The following ZMIZ1 variants were observed in gnomAD, a reference collection of about 807,000 sequenced individuals.
ZMIZ1 encodes zinc finger MIZ domain-containing protein 1.
Under a neutral mutation model 113.9 loss-of-function variants are expected in ZMIZ1, and 17 were observed. The ratio of observed to expected loss-of-function variants is 0.15; its 90% CI spans 0.10 to 0.22. ZMIZ1 has a LOEUF of 0.22. Ranked by LOEUF, ZMIZ1 falls within the 10% of genes least tolerant of loss-of-function variation. The pLI is 1.00. For missense variants in ZMIZ1, 1,059 were observed against 1,477.8 expected (o/e 0.72, Z 4.65); for synonymous variants, 607 against 603.1 (o/e 1.01, Z -0.09).
At position 79,083,568 on chromosome 10, in the gene ZMIZ1, A is replaced by G. The variant is rs1189710015; in HGVS notation, c.-337+14298A>G. 6.9e-5 allele frequency among the ~76,000 whole-genome samples: 5 copies of G among 72,708 alleles called. No homozygotes were observed. In the African/African-American group the frequency reaches 7.4e-4, roughly 11 times the overall value. 47.7% of individuals were successfully genotyped at this position (72,708 alleles called of 152,430 possible). A position where few individuals can be genotyped will look rare whatever the true frequency, so the allele number is the denominator to read the frequency against. On this transcript the variant is annotated intron_variant, in intron 1 of 24. Coordinates refer to ENST00000334512, the MANE Select transcript of ZMIZ1 (RefSeq NM_020338.4). ...TTTTAAGTAAAGGACTGAGGCTATC[A>G]GATGTGTCCCTCTAAGATCTCTGGC... is the stretch of plus-strand genomic sequence containing the variant.
intron 11 of ZMIZ1, among the ~76,000 whole-genome samples, 171 bp downstream of exon 11, chr10:79,292,527 G>A (rs1039253133): frequency 6.6e-6 from 1 of 152,160 alleles, no homozygotes; most frequent in Non-Finnish European, 1.5e-5. Context: ...TGTGTGTTTA[G>A]AATGGCGCAT....
intron 8 of ZMIZ1, among the ~76,000 whole-genome samples, chr10:79,283,680 T>G (rs1338781312): frequency 6.6e-6 from 1 of 152,196 alleles, no homozygotes; most frequent in Non-Finnish European, 1.5e-5. Context: ...GAAAGACCCA[T>G]AAATCCCTGC....
At chr10:79,282,233 T>C (rs1271020331) in intron 8 of ZMIZ1, among the ~76,000 whole-genome samples, 1 of 152,192 alleles carries the variant, frequency 6.6e-6, no homozygotes, top group Non-Finnish European at 1.5e-5. Context: ...ATTAGCAAAC[T>C]GTTTTAGTCC....
At chr10:79,100,291 G>A (rs1451068523) in intron 1 of ZMIZ1, among the ~76,000 whole-genome samples, 1 of 152,090 alleles carries the variant, frequency 6.6e-6, no homozygotes, top group Non-Finnish European at 1.5e-5. Flanking sequence ...CAAAGGATGA[G>A]TTGGGGAATG....
intron 3 of ZMIZ1, among the ~76,000 whole-genome samples, chr10:79,161,215 G>A (rs1304492054): frequency 1.3e-5 from 2 of 152,164 alleles, no homozygotes; most frequent in Non-Finnish European, 2.9e-5. Context: ...CTGGACCCTG[G>A]AGCAGCGTCC....
At position 79,264,161 on chromosome 10, in the gene ZMIZ1, C is replaced by T. The variant is rs1173370819; in HGVS notation, c.281-13020C>T. ...GGGCATGCGGGTGTGGCTCAGTTCT[C>T]ACCTTGCAGATGGAGTGGGACTGTT... On this transcript the variant is annotated intron_variant, in intron 7 of 24. Transcript: ENST00000334512. Among the ~76,000 whole-genome samples, 4 of 152,194 alleles carry T rather than the reference C, an allele frequency of 2.6e-5. No homozygotes were observed. The East Asian group carries it at 7.7e-4, about 29-fold the overall frequency.
At chr10:79,151,695 A>C (rs1165237004) in intron 3 of ZMIZ1, among the ~76,000 whole-genome samples, 2 of 152,160 alleles carry the variant, frequency 1.3e-5, no homozygotes, top group Non-Finnish European at 2.9e-5. Flanking sequence ...GGTGCCCCTG[A>C]GTCCCACCGG....
chr10:79,222,176 C>A (rs1849004236), intron 7 of ZMIZ1, among the ~76,000 whole-genome samples: 1 of 152,160 alleles, frequency 6.6e-6, no homozygotes, highest in Non-Finnish European at 1.5e-5. Context: ...TGAGATTGGA[C>A]CACTCAATGT....
chr10:79,269,987 G>A (rs1364595084), intron 7 of ZMIZ1, among the ~76,000 whole-genome samples: 1 of 152,164 alleles, frequency 6.6e-6, no homozygotes, highest in Non-Finnish European at 1.5e-5. Context: ...GCACTCAGGC[G>A]ATTCCTGAAC....
intron 23 of ZMIZ1, among the ~76,000 whole-genome samples, chr10:79,308,949 A>G (rs1854922001): frequency 6.6e-6 from 1 of 152,012 alleles, no homozygotes; most frequent in Non-Finnish European, 1.5e-5. Context: ...CTGTGAGTTG[A>G]CCTCAGAGCC....
At chr10:79,275,812 C>T (rs750954054) in intron 7 of ZMIZ1, among the ~76,000 whole-genome samples, 10 of 152,156 alleles carry the variant, frequency 6.6e-5, no homozygotes, top group African/African-American at 1.2e-4. Context: ...CTGTGAGTAG[C>T]TTTGCCTGAC....
rs192796783 is a variant in ZMIZ1, at chr10:79,108,472, G to C, written c.-336-10443G>C. The stretch of plus-strand genomic sequence containing the variant: ...AAGCTTTCAGCACTGGGGATGGGAG[G>C]GTGGTGCTCAGGCTGATGGTGCACT... On this transcript the variant is annotated intron_variant, in intron 1 of 24. Coordinates refer to ENST00000334512, the MANE Select transcript of ZMIZ1 (RefSeq NM_020338.4). Among the ~76,000 whole-genome samples, 28 of 152,296 alleles carry C rather than the reference G, an allele frequency of 1.8e-4. No homozygotes were observed. In the East Asian group the frequency reaches 4.6e-3, roughly 25 times the overall value.
Position 79,302,223 on chromosome 10 carries a change from G to A in ZMIZ1, c.2125+11G>A. On this transcript the variant is annotated intron_variant, in intron 18 of 24. Transcript: ENST00000334512. ...ACTGTATCACGAAAAGTGAGTCAGG[G>A]TGGGGACGGGGGTGAGGGCCAGACT... The A allele has an allele frequency of 6.2e-7, 1 of 1,611,700 alleles. No homozygotes were observed. The highest frequency in any genetic ancestry group is 1.1e-5 in the South Asian group (1 of 91,084).
chr10:79,097,786 G>A (rs1055488564), intron 1 of ZMIZ1, among the ~76,000 whole-genome samples: 3 of 152,096 alleles, frequency 2.0e-5, no homozygotes, highest in Non-Finnish European at 4.4e-5. Context: ...CACAGCATAT[G>A]TGGTCTTCAT....
At position 79,296,706 on chromosome 10, in the gene ZMIZ1, C is replaced by G; in HGVS notation, c.1413+53C>G. The stretch of plus-strand genomic sequence containing the variant: ...GGGGCCCCTTCCCTCCTAACCACCT[C>G]ACTCCCCTAACTCCACCGGGATCAC... On this transcript the variant is annotated intron_variant, in intron 13 of 24. Transcript: ENST00000334512. This position sits in a 1 kb window ranked among gnomAD's most constrained non-coding sequence, Gnocchi z 4.1. 6.7e-7 allele frequency: 1 copy of G among 1,483,654 alleles called. No individual in the cohort carries two copies. The highest frequency in any genetic ancestry group is 1.4e-5 in the African/African-American group (1 of 70,914). 91.9% of individuals were successfully genotyped at this position (1,483,654 alleles called of 1,614,324 possible).
chr10:79,165,094 A>T (rs1211807441), intron 4 of ZMIZ1, among the ~76,000 whole-genome samples: 1 of 152,158 alleles, frequency 6.6e-6, no homozygotes, highest in East Asian at 1.9e-4. Context: ...GGAGGTACAG[A>T]AAGCCCTTGT....
chr10:79,071,605 G>A (rs1038987347), intron 1 of ZMIZ1, among the ~76,000 whole-genome samples: 2 of 152,166 alleles, frequency 1.3e-5, no homozygotes, highest in South Asian at 2.1e-4. Flanking sequence ...CAGAGTGGGG[G>A]AAATTCCTGG....
chr10:79,233,933 G>A (rs929323018), intron 7 of ZMIZ1, among the ~76,000 whole-genome samples: 2 of 152,210 alleles, frequency 1.3e-5, no homozygotes, highest in African/African-American at 4.8e-5. Context: ...GGGCAAACCA[G>A]AGTGTATATA....
At chr10:79,165,181 T>C (rs925489293) in intron 4 of ZMIZ1, among the ~76,000 whole-genome samples, 1 of 152,164 alleles carries the variant, frequency 6.6e-6, no homozygotes, top group Admixed American at 6.5e-5. Flanking sequence ...CCTTTCCCTT[T>C]CTGGGATTTG....
Sources: allele counts gnomAD v4.1 joint callset (sites outside exome capture counted in the v4.1 genomes callset), GRCh38; gene constraint gnomAD v4.1.1; non-coding constraint Gnocchi (gnomAD v3.1); transcripts MANE v1.5; gene names NCBI Gene and HGNC (gene_info 2026-07-23, HGNC 2026-07-21).